Variants in KDM5C observed in about 807,000 individuals in gnomAD.
The protein encoded by KDM5C is lysine demethylase 5C, also known as lysine-specific demethylase 5C.
Under a neutral mutation model 110.6 loss-of-function variants are expected in KDM5C, and 16 were observed. The observed-to-expected ratio is 0.14, with a 90% confidence interval of 0.10 to 0.22. The LOEUF is 0.22. Ranked by LOEUF, KDM5C falls within the 10% of genes least tolerant of loss-of-function variation. The pLI is 1.00. For missense variants in KDM5C, 681 were observed against 1,300.9 expected (o/e 0.52, Z 7.33); for synonymous variants, 511 against 520.4 (o/e 0.98, Z 0.24).
At chrX:53,194,864 T>G (rs1336344567) in intron 22 of KDM5C, 67 bp downstream of exon 22, 2 of 1,194,353 alleles carry the variant, frequency 1.7e-6, no homozygotes, top group Non-Finnish European at 2.3e-6. Flanking sequence ...GGTCTGCTCA[T>G]GGCCACCCAG....
chrX:53,194,927 T>A lies in KDM5C; in HGVS notation c.3438+4A>T. ...TTCTCCCCATCTGTGTCGAAGCTCCTTACCACAGAGCCTGGGTCCCTGAGG... is the reference window on the plus strand; with the variant it reads ...TTCTCCCCATCTGTGTCGAAGCTCCATACCACAGAGCCTGGGTCCCTGAGG... On this transcript the variant is annotated splice_donor_region_variant and intron_variant, in intron 22 of 25. Coordinates refer to ENST00000375401, the MANE Select transcript of KDM5C (RefSeq NM_004187.5). 1 of 1,211,009 alleles carries A rather than the reference T, an allele frequency of 8.3e-7. No individual in the cohort carries two copies. Among genetic ancestry groups the A allele is most frequent in the East Asian group, 3.0e-5 (1 of 33,814 alleles).
chrX:53,211,475 T>C, intron 10 of KDM5C, 22 bp downstream of exon 10: 1 of 1,207,931 alleles, frequency 8.3e-7, no homozygotes, highest in Non-Finnish European at 1.1e-6. Flanking sequence ...AGCTGACACG[T>C]AACCATGAAT....
downstream of KDM5C, among the ~76,000 whole-genome samples, chrX:53,189,694 C>T (rs1360050113): frequency 5.3e-5 from 6 of 112,733 alleles, no homozygotes; most frequent in Non-Finnish European, 1.1e-4. Flanking sequence ...GAGTCATATG[C>T]ACAGTGTGGA....
At chrX:53,185,579 T>C (rs1189278196) in intron 25 of KDM5C, among the ~76,000 whole-genome samples, 2 of 111,631 alleles carry the variant, frequency 1.8e-5, no homozygotes, top group South Asian at 7.5e-4. Flanking sequence ...CAGGTGAGGG[T>C]CATGGTGAGA....
At chrX:53,214,149 G>C (rs1174996128) in intron 8 of KDM5C, 1 of 110,611 alleles carries the variant, frequency 9.0e-6, no homozygotes, top group African/African-American at 3.3e-5. Context: ...GTAGAGACGG[G>C]GTTTCGCCAT....
chrX:53,210,914 C>G (rs2073538114), intron 10 of KDM5C, 57 bp from the exon 11 acceptor site: 1 of 1,083,855 alleles, frequency 9.2e-7, no homozygotes, highest in Admixed American at 2.2e-5. Flanking sequence ...GAACTGAGAT[C>G]TTAAGTCATT....
At chrX:53,186,742 C>T (rs1295981192), downstream of KDM5C, among the ~76,000 whole-genome samples, 1 of 112,432 alleles carries the variant, frequency 8.9e-6, no homozygotes, top group East Asian at 2.8e-4. Context: ...AGGGTTGATC[C>T]TGAAGGACAG....
At chrX:53,212,264 G>T in intron 8 of KDM5C, 4 of 187,526 alleles carry the variant, frequency 2.1e-5, no homozygotes, top group East Asian at 1.3e-4. Context: ...GCTATCCTGT[G>T]TTCTTCTGCC....
At chrX:53,180,719 CTTTTTTTT>C (rs1173641591) in intron 25 of KDM5C, among the ~76,000 whole-genome samples, 1 of 30,277 alleles carries the variant, frequency 3.3e-5, no homozygotes, top group African/African-American at 1.3e-4. Flanking sequence ...CCACACCCGG[CTTTTTTTT>C]TTTTTTTTTT....
At chrX:53,193,726 A>G (rs1934599326) in intron 24 of KDM5C, 47 bp downstream of exon 24, 2 of 1,180,593 alleles carry the variant, frequency 1.7e-6, no homozygotes, top group African/African-American at 3.5e-5. Flanking sequence ...ATGGGTCACT[A>G]TGGTGATGTG....
At chrX:53,207,968 C>CAAAAAAAAAA (rs781945536) in intron 12 of KDM5C, among the ~76,000 whole-genome samples, 3 of 30,591 alleles carry the variant, frequency 9.8e-5, no homozygotes, top group African/African-American at 2.6e-4. Context: ...GACTCTGTCT[C>CAAAAAAAAAA]AAAAAAAAAA....
chrX:53,181,869 A>G (rs1183903617), intron 25 of KDM5C, among the ~76,000 whole-genome samples: 1 of 108,888 alleles, frequency 9.2e-6, no homozygotes, highest in Non-Finnish European at 1.9e-5. Flanking sequence ...GCTCACTGCA[A>G]GCTCCGCCTG....
chrX:53,188,379 ACTT>A (rs1231054802), downstream of KDM5C, among the ~76,000 whole-genome samples: 1 of 103,148 alleles, frequency 9.7e-6, no homozygotes, highest in Non-Finnish European at 2.0e-5. Context: ...TAACTGACCT[ACTT>A]TTTTTTTTTT....
intron 12 of KDM5C, among the ~76,000 whole-genome samples, chrX:53,203,816 C>A (rs1490920282): frequency 9.2e-6 from 1 of 108,605 alleles, no homozygotes; most frequent in Non-Finnish European, 1.9e-5. Flanking sequence ...GCCCAGGCTA[C>A]AGTGCCGTGG....
chrX:53,222,361 CA>C (rs5902515), intron 1 of KDM5C, among the ~76,000 whole-genome samples: 4,020 of 66,642 alleles, frequency 0.06, 120 homozygotes, highest in East Asian at 0.24. Flanking sequence ...TAAGCAGGGA[CA>C]AAAAAAAAAA....
chrX:53,220,014 C>T (rs992670115), intron 2 of KDM5C, among the ~76,000 whole-genome samples: 4 of 112,467 alleles, frequency 3.6e-5, no homozygotes, highest in Non-Finnish European at 7.5e-5. Context: ...AGTGCCGAGG[C>T]TGAGGAACTC....
intron 6 of KDM5C, 45 bp from the exon 7 acceptor site, chrX:53,216,021 A>G (rs2146940553): frequency 2.5e-6 from 3 of 1,211,619 alleles, no homozygotes; most frequent in Non-Finnish European, 3.4e-6. Context: ...TAGGACACTT[A>G]GGGCCCTGAC....
At chrX:53,200,933 A>G (rs1447683344) in intron 14 of KDM5C, among the ~76,000 whole-genome samples, 1 of 112,568 alleles carries the variant, frequency 8.9e-6, no homozygotes, top group African/African-American at 3.2e-5. Flanking sequence ...CCCTAGCTGG[A>G]GTTAATAAAC....
At chrX:53,218,072 T>C in intron 3 of KDM5C, 106 bp from the exon 4 acceptor site, 1 of 927,253 alleles carries the variant, frequency 1.1e-6, no homozygotes, top group Non-Finnish European at 1.5e-6. Flanking sequence ...CTCTAGTCCC[T>C]CACTTCACTG....
Sources: gnomAD v4.1 joint callset for allele counts (sites outside exome capture counted in the v4.1 genomes callset) on GRCh38, gnomAD v4.1.1 for gene constraint, MANE v1.5 for transcripts, NCBI Gene and HGNC (gene_info 2026-07-23, HGNC 2026-07-21) for gene names.